The following SYNE2 variants were observed in gnomAD, a reference collection of about 807,000 sequenced individuals.
SYNE2 encodes the protein nesprin-2.
Under a neutral mutation model 856.3 loss-of-function variants are expected in SYNE2, and 431 were observed. The ratio of observed to expected loss-of-function variants is 0.50; its 90% CI spans 0.47 to 0.55. The LOEUF is 0.55. Ranked by LOEUF, SYNE2 falls within the 20% of genes least tolerant of loss-of-function variation. The probability of loss-of-function intolerance (pLI) is 0.00; values close to 1 mark genes in which losing one functional copy is unlikely to be tolerated. For synonymous variants in SYNE2, 2,923 were observed against 2,872.3 expected (o/e 1.02, Z -0.56); for missense variants, 8,129 against 8,023.2 (o/e 1.01, Z -0.50).
intron 83 of SYNE2, among the ~76,000 whole-genome samples, chr14:64,144,967 C>T (rs2098169670): frequency 6.9e-6 from 1 of 145,662 alleles, no homozygotes; most frequent in African/African-American, 2.5e-5. Flanking sequence ...CGCCCTGTTG[C>T]CCAGGCTGGA....
At chr14:64,009,836 G>A (rs1370847124) in intron 31 of SYNE2, 130 bp from the exon 32 acceptor site, 2 of 767,370 alleles carry the variant, frequency 2.6e-6, no homozygotes, top group Admixed American at 5.2e-5. Flanking sequence ...TTGGTAAAAA[G>A]TATTAAGAAC....
Position 63,806,875 on chromosome 14 carries a change from A to AT in SYNE2, c.-305+44904dup, listed in dbSNP as rs200822464. Among the ~76,000 whole-genome samples, 1,302 of 138,514 alleles carry AT rather than the reference A, an allele frequency of 9.4e-3. 15 individuals carry two copies. Among genetic ancestry groups the AT allele is most frequent in the African/African-American group, 0.025 (954 of 37,964 alleles). 90.9% of individuals were successfully genotyped at this position (138,514 alleles called of 152,430 possible). The stretch of plus-strand genomic sequence containing the variant: ...CCTATTTTTCCTTTTTAAACTTAAA[A>AT]TTTTTTTTTTTTTTTCAAAAAAGAA... On this transcript the variant is annotated intron_variant, in intron 1 of 23. Transcript: ENST00000674003.
chr14:63,954,916 G>C lies in SYNE2; in HGVS notation c.787+1G>C. ...ATCCCCAGATTGCTGGAACCAGAAG[G>C]TAAAGAAGCTTCTTTGTTTTTAAAA... is the stretch of plus-strand genomic sequence containing the variant. On this transcript the variant is annotated splice_donor_variant, in intron 8 of 115. Transcript: ENST00000555002. LOFTEE classifies it high-confidence loss of function. 6.2e-7 allele frequency: 1 copy of C among 1,608,938 alleles called. No homozygotes were observed. The highest frequency in any genetic ancestry group is 2.2e-5 in the East Asian group (1 of 44,826).
intron 1 of SYNE2, among the ~76,000 whole-genome samples, chr14:63,767,359 G>A (rs1051805255): frequency 1.3e-5 from 2 of 151,788 alleles, no homozygotes; most frequent in African/African-American, 4.8e-5. Context: ...ATCCGCCCAC[G>A]TCTGCCTCCC....
rs148269218 is a variant in SYNE2 at position 63,927,760 on chromosome 14, C to T, written c.80-12854C>T. 5.7e-3 allele frequency among the ~76,000 whole-genome samples: 867 copies of T among 151,940 alleles called. 7 individuals are homozygous for T. The highest frequency in any genetic ancestry group is 0.019 in the African/African-American group (801 of 41,422). On this transcript the variant is annotated intron_variant, in intron 2 of 115. Coordinates refer to ENST00000555002, the MANE Select transcript of SYNE2 (RefSeq NM_182914.3). ...TACAAAAATTAGCCAGGTGTGGGGT[C>T]GCGCGCCTGCAGTCCCAGCTACTCG...
intron 1 of SYNE2, among the ~76,000 whole-genome samples, chr14:63,807,860 TA>T: frequency 9.6e-6 from 1 of 104,562 alleles, no homozygotes; most frequent in African/African-American, 3.5e-5. Context: ...TATATATATA[TA>T]TATAATTTCA....
At chr14:64,124,267 A>G (rs547424583) in intron 70 of SYNE2, among the ~76,000 whole-genome samples, 71 of 152,148 alleles carry the variant, frequency 4.7e-4, no homozygotes, top group African/African-American at 1.6e-3. Flanking sequence ...ACCAAAACTC[A>G]TTATAGCTTT....
Position 64,051,575 on chromosome 14 carries a change from A to C in SYNE2, c.7662A>C (p.Val2554=). 1.2e-6 allele frequency: 2 copies of C among 1,613,428 alleles called. No homozygotes were observed. Among genetic ancestry groups the C allele is most frequent in the Non-Finnish European group, 1.7e-6 (2 of 1,179,762 alleles). Residue 2554 remains valine, a synonymous_variant, in exon 48 of 116, where the codon GTA becomes GTC. Transcript: ENST00000555002. ...TTTCTAGAGGACCACTGGACAGTGT[A>C]ACGTATCTGGACAAAATTAAAAAAT... ...ESLKVGPLDS[V]TYLDKIKKFI... is the part of the protein sequence containing the mutation.
chr14:63,978,039 C>G, intron 13 of SYNE2, 22 bp downstream of exon 13: 1 of 1,435,112 alleles, frequency 7.0e-7, no homozygotes, highest in Non-Finnish European at 9.8e-7. Context: ...TACCATTTCA[C>G]AGCTGCTGTC....
Position 64,212,901 on chromosome 14 carries a change from G to C in SYNE2, c.18952G>C (p.Asp6318His), listed in dbSNP as rs144627020. Reference protein sequence around the residue: ...EQLIQKSEPLDAVLIEDELEE... With the variant: ...EQLIQKSEPLHAVLIEDELEE... ...GCTGATTCAGAAGAGCGAGCCCCTG[G>C]ATGCTGTGCTGATTGAGGATGAGCT... Residue 6318 changes from aspartate (D) to histidine (H), a missense_variant, in exon 105 of 116, where the codon GAT (aspartate) becomes CAT (histidine). Coordinates refer to ENST00000555002, the MANE Select transcript of SYNE2 (RefSeq NM_182914.3). 7.4e-6 allele frequency: 12 copies of C among 1,614,094 alleles called. No homozygotes were observed. The highest frequency in any genetic ancestry group is 1.0e-5 in the Non-Finnish European group (12 of 1,180,052).
chr14:64,062,586 A>G (rs752369891), intron 49 of SYNE2, among the ~76,000 whole-genome samples, 165 bp from the exon 50 acceptor site: 3 of 152,208 alleles, frequency 2.0e-5, no homozygotes, highest in Admixed American at 6.5e-5. Context: ...CCCTTTGGGA[A>G]TAAAAACTTC....
intron 114 of SYNE2, among the ~76,000 whole-genome samples, 181 bp downstream of exon 114, chr14:64,224,728 T>G (rs2098710617): frequency 6.6e-6 from 1 of 152,176 alleles, no homozygotes; most frequent in African/African-American, 2.4e-5. Flanking sequence ...CAGTAGGTTG[T>G]GAATGAGAGC....
intron 95 of SYNE2, among the ~76,000 whole-genome samples, chr14:64,176,893 G>A (rs764747114): frequency 1.1e-4 from 16 of 152,078 alleles, no homozygotes; most frequent in Non-Finnish European, 1.8e-4. Context: ...CACCTCCCAG[G>A]TTCAAGCAAT....
chr14:64,000,424 G>A, intron 27 of SYNE2, 138 bp from the exon 28 acceptor site: 2 of 792,550 alleles, frequency 2.5e-6, no homozygotes, highest in Non-Finnish European at 4.2e-6. Flanking sequence ...TAGGTGGTTG[G>A]AAAGTATTTT....
intron 96 of SYNE2, among the ~76,000 whole-genome samples, chr14:64,180,835 G>T (rs997789690): frequency 6.6e-6 from 1 of 152,134 alleles, no homozygotes; most frequent in African/African-American, 2.4e-5. Flanking sequence ...AATCACAAAA[G>T]ATATATCTTT....
chr14:64,159,202 G>T lies in SYNE2; in HGVS notation c.15964-110G>T, dbSNP rs78814287. 2.0e-3 allele frequency: 2,825 copies of T among 1,415,272 alleles called. 87 individuals carry two copies. In the East Asian group the frequency reaches 0.048, roughly 24 times the overall value. 87.7% of individuals were successfully genotyped at this position (1,415,272 alleles called of 1,614,324 possible). ...ACATTCCTAATAGTTTATCAGAGCT[G>T]TAAGATTTGAGTGTTATTGCTACAT... On this transcript the variant is annotated intron_variant, in intron 86 of 115. Transcript: ENST00000555002.
intron 1 of SYNE2, among the ~76,000 whole-genome samples, chr14:63,780,027 C>G (rs1204521221): frequency 3.3e-5 from 5 of 152,120 alleles, no homozygotes; most frequent in Non-Finnish European, 7.3e-5. Flanking sequence ...TCTATAATAA[C>G]TCTAGAATTA....
At chr14:63,816,970 C>G (rs1889017336) in intron 1 of SYNE2, among the ~76,000 whole-genome samples, 1 of 152,176 alleles carries the variant, frequency 6.6e-6, no homozygotes, top group Non-Finnish European at 1.5e-5. Flanking sequence ...CAGCCTTGAA[C>G]TCCTGACCTC....
intron 1 of SYNE2, among the ~76,000 whole-genome samples, chr14:63,847,646 C>T (rs527339758): frequency 4.0e-4 from 55 of 136,346 alleles, no homozygotes; most frequent in Non-Finnish European, 7.0e-4. Context: ...AGTGCAGTGG[C>T]GGGATCTCGG....
Sources: allele counts gnomAD v4.1 joint callset (sites outside exome capture counted in the v4.1 genomes callset), GRCh38; gene constraint gnomAD v4.1.1; transcripts MANE v1.5; gene names NCBI Gene and HGNC (gene_info 2026-07-23, HGNC 2026-07-21).